FAM120A: variants seen among roughly 807,000 people sequenced by gnomAD.
FAM120A encodes the protein constitutive coactivator of PPAR-gamma-like protein 1.
In FAM120A, 15 loss-of-function variants were observed where a neutral mutation model predicts 109.7. The ratio of observed to expected loss-of-function variants is 0.14; its 90% CI spans 0.09 to 0.21. The LOEUF (loss-of-function observed/expected upper bound fraction) is 0.21, where lower values mean the gene tolerates loss of function less well. Ranked by LOEUF, FAM120A falls within the 10% of genes least tolerant of loss-of-function variation. The pLI is 1.00. For synonymous variants in FAM120A, 493 were observed against 572.8 expected (o/e 0.86, Z 1.99); for missense variants, 899 against 1,439.3 (o/e 0.62, Z 6.07).
intron 7 of FAM120A, among the ~76,000 whole-genome samples, chr9:93,517,655 A>G (rs1860658076): frequency 6.6e-6 from 1 of 152,266 alleles, no homozygotes; most frequent in Non-Finnish European, 1.5e-5. Flanking sequence ...GACAAAAAGC[A>G]AAAGAAGTAA....
intron 1 of FAM120A, among the ~76,000 whole-genome samples, chr9:93,460,600 GCT>G (rs1021737745): frequency 3.9e-5 from 6 of 152,196 alleles, no homozygotes; most frequent in African/African-American, 7.2e-5. Flanking sequence ...CTCCCAAAGT[GCT>G]GGGATTACAG....
Position 93,497,593 on chromosome 9 carries a change from T to A in FAM120A, c.927T>A (p.His309Gln). 6 of 1,592,104 alleles carry A rather than the reference T, an allele frequency of 3.8e-6. No individual in the cohort carries two copies. The highest frequency in any genetic ancestry group is 4.3e-6 in the Non-Finnish European group (5 of 1,174,742). Residue 309 changes from histidine to glutamine, a missense_variant, in exon 4 of 18, where the codon CAT (histidine) becomes CAA (glutamine). Physicochemically the swap from His to Gln is conservative, Grantham distance 24 (BLOSUM62 0). This residue lies in a region of FAM120A where 258 missense variants were observed against 451.4 expected (regional missense o/e 0.57). Coordinates refer to ENST00000277165, the MANE Select transcript of FAM120A (RefSeq NM_014612.5). ...LDAIAKDVFQ[H>Q]SQSRTDDKVI... ...CCATAGCTAAAGATGTTTTCCAGCATTCACAGGTAAAAAAAAAAACAAACA... is the reference window on the plus strand; with the variant it reads ...CCATAGCTAAAGATGTTTTCCAGCAATCACAGGTAAAAAAAAAAACAAACA...
In FAM120A at chr9:93,467,920, C is replaced by T. The variant is rs141766130; in HGVS notation, c.475-3221C>T. ...TTTTGAGACGGAGTTTCGCTCTTGT[C>T]GCCCAGGCTGGAGTGCAGTGGTGTG... On this transcript the variant is annotated intron_variant, in intron 1 of 17. Transcript: ENST00000277165. Among the ~76,000 whole-genome samples, 1,263 of 151,312 alleles carry T rather than the reference C, an allele frequency of 8.3e-3. 16 individuals carry two copies. The highest frequency in any genetic ancestry group is 0.029 in the African/African-American group (1,214 of 41,246).
chr9:93,473,370 A>G (rs1858398212), intron 2 of FAM120A, among the ~76,000 whole-genome samples: 2 of 152,056 alleles, frequency 1.3e-5, no homozygotes, highest in Non-Finnish European at 2.9e-5. Flanking sequence ...CAGTGGTGCA[A>G]TCTCGGCTCA....
Position 93,543,236 on chromosome 9 carries a change from A to C in FAM120A, c.1924A>C (p.Ile642Leu). Reference sequence around the variant, plus strand: ...TTTTCCTGTAGTTTCACCAGTGATCATTAAAGAATGGGCAGCTTACAAAGG... The same window carrying C: ...TTTTCCTGTAGTTTCACCAGTGATCCTTAAAGAATGGGCAGCTTACAAAGG... ...RLPPEFSPVI[I>L]KEWAAYKGKS... The change falls in exon 11 of 18, where the codon ATT becomes CTT. Residue 642 changes from isoleucine to leucine, a missense_variant. Ile to Leu is a conservative substitution (Grantham distance 5). Around this residue, in one of 11 missense-constraint regions of FAM120A, gnomAD observed 133 missense variants for 276.6 expected, o/e 0.48. Coordinates refer to ENST00000277165, the MANE Select transcript of FAM120A (RefSeq NM_014612.5). 1 of 1,614,020 alleles carries C rather than the reference A, an allele frequency of 6.2e-7. No homozygotes were observed.
chr9:93,556,507 G>A lies in FAM120A; in HGVS notation c.2400G>A (p.Met800Ile). ...CCTGGGAACACTGTTGTCCTTGGAT[G>A]TATTTTGATGGGAAGCTCTTCCAAT... ...PIPWEHCCPWMYFDGKLFQSK... is the reference protein window; with the variant it reads ...PIPWEHCCPWIYFDGKLFQSK... The change falls in exon 13 of 18, where the codon ATG (methionine) becomes ATA (isoleucine). Residue 800 changes from methionine (M) to isoleucine (I), a missense_variant. Met to Ile is a conservative substitution (Grantham distance 10, BLOSUM62 1). Around this residue, in one of 11 missense-constraint regions of FAM120A, gnomAD observed 31 missense variants for 73.0 expected, o/e 0.42. Transcript: ENST00000277165. The A allele has an allele frequency of 1.9e-6, 3 of 1,614,240 alleles. No homozygotes were observed. The highest frequency in any genetic ancestry group is 3.3e-5 in the Admixed American group (2 of 60,022).
chr9:93,455,492 AT>A (rs1350549467), intron 1 of FAM120A, among the ~76,000 whole-genome samples: 4 of 152,168 alleles, frequency 2.6e-5, no homozygotes, highest in Non-Finnish European at 4.4e-5. Flanking sequence ...TCATATGATA[AT>A]TTTTTTAAGA....
chr9:93,563,213 G>A (rs1862533238), intron 17 of FAM120A, among the ~76,000 whole-genome samples: 1 of 152,200 alleles, frequency 6.6e-6, no homozygotes, highest in South Asian at 2.1e-4. Flanking sequence ...TTTTCAGAAT[G>A]GGAGGCCTAG....
Position 93,451,774 on chromosome 9 carries a change from G to T in FAM120A, c.-142G>T. ...GCGGCAGCACATGGCGGCCGCGGCG[G>T]CCATGAGCGCGCCCCCGACCCGCCC... On this transcript the variant is annotated 5_prime_UTR_variant, in exon 1 of 18. Coordinates refer to ENST00000277165, the MANE Select transcript of FAM120A (RefSeq NM_014612.5). The T allele has an allele frequency of 1.0e-6, 1 of 981,150 alleles. No individual in the cohort carries two copies. The highest frequency in any genetic ancestry group is 1.2e-6 in the Non-Finnish European group (1 of 828,830). The allele number at this position is 981,150 out of a possible 1,614,324, so 60.8% of individuals were successfully genotyped here.
chr9:93,513,979 C>T (rs1009937156), intron 5 of FAM120A, among the ~76,000 whole-genome samples: 3 of 152,166 alleles, frequency 2.0e-5, no homozygotes, highest in Non-Finnish European at 4.4e-5. Flanking sequence ...GTTCCCCTTG[C>T]CTGGTGTTTT....
chr9:93,515,107 T>A (rs532975391), intron 5 of FAM120A, among the ~76,000 whole-genome samples: 3 of 141,960 alleles, frequency 2.1e-5, no homozygotes, highest in African/African-American at 7.4e-5. Context: ...TGTGTTAAAA[T>A]GTGTAACCTA....
At chr9:93,560,158 G>A (rs900089177) in intron 15 of FAM120A, among the ~76,000 whole-genome samples, 1 of 152,112 alleles carries the variant, frequency 6.6e-6, no homozygotes, top group African/African-American at 2.4e-5. Context: ...AGCCAGGTAT[G>A]GTGGTGCACA....
intron 1 of FAM120A, among the ~76,000 whole-genome samples, chr9:93,459,286 CTTG>C (rs1331093152): frequency 1.3e-5 from 2 of 152,258 alleles, no homozygotes; most frequent in African/African-American, 4.8e-5. Flanking sequence ...TTTTACTCCT[CTTG>C]TACCCCATTA....
intron 1 of FAM120A, among the ~76,000 whole-genome samples, chr9:93,469,746 A>G (rs1858226476): frequency 6.6e-6 from 1 of 152,148 alleles, no homozygotes; most frequent in Non-Finnish European, 1.5e-5. Flanking sequence ...TTTTTTTCTT[A>G]TTAAGTAAAA....
chr9:93,468,831 G>A (rs1040297201), intron 1 of FAM120A, among the ~76,000 whole-genome samples: 3 of 152,160 alleles, frequency 2.0e-5, no homozygotes, highest in African/African-American at 4.8e-5. Flanking sequence ...TGAGGTTACC[G>A]GGTTAAAGAG....
chr9:93,540,861 A>G (rs1345310586), intron 10 of FAM120A, among the ~76,000 whole-genome samples: 1 of 152,088 alleles, frequency 6.6e-6, no homozygotes, highest in African/African-American at 2.4e-5. Context: ...ATTTTTTTTT[A>G]TAGAATGAAA....
chr9:93,555,986 C>T (rs923285935), intron 12 of FAM120A, among the ~76,000 whole-genome samples: 1 of 152,136 alleles, frequency 6.6e-6, no homozygotes, highest in Non-Finnish European at 1.5e-5. Context: ...TCTGTTAATA[C>T]GTTACCTGTG....
At chr9:93,521,712 TA>T (rs1253246883) in intron 7 of FAM120A, among the ~76,000 whole-genome samples, 1 of 152,258 alleles carries the variant, frequency 6.6e-6, no homozygotes, top group South Asian at 2.1e-4. Flanking sequence ...GTTTAAATTT[TA>T]AAAATTAAAG....
chr9:93,501,108 G>A (rs1029689328), intron 5 of FAM120A, among the ~76,000 whole-genome samples: 1 of 152,198 alleles, frequency 6.6e-6, no homozygotes, highest in African/African-American at 2.4e-5. Flanking sequence ...GGAGCCTGAA[G>A]GAGCGCTCAG....
Sources: gnomAD v4.1 joint callset for allele counts (sites outside exome capture counted in the v4.1 genomes callset) on GRCh38, gnomAD v4.1.1 for gene constraint, gnomAD v4.1.1 regional missense constraint, MANE v1.5 for transcripts, NCBI Gene and HGNC (gene_info 2026-07-23, HGNC 2026-07-21) for gene names.